The following RUSC2 variants were observed in gnomAD, a reference collection of about 807,000 sequenced individuals.
The protein encoded by RUSC2 is RUN and SH3 domain containing 2, also known as AP-4 complex accessory subunit RUSC2.
RUSC2 carries 34 observed loss-of-function variants against 122.2 expected under a neutral mutation model. That is an observed-to-expected ratio of 0.28 (90% CI 0.21 to 0.37). The LOEUF (loss-of-function observed/expected upper bound fraction) is 0.37. Ranked by LOEUF, RUSC2 falls within the 10% of genes least tolerant of loss-of-function variation. The probability of loss-of-function intolerance (pLI) is 1.00; values close to 1 mark genes in which losing one functional copy is unlikely to be tolerated. For synonymous variants in RUSC2, 784 were observed against 790.0 expected (o/e 0.99, Z 0.13); for missense variants, 1,747 against 1,952.4 (o/e 0.89, Z 1.98).
intron 1 of RUSC2, among the ~76,000 whole-genome samples, chr9:35,493,383 A>G (rs1820606527): frequency 6.6e-6 from 1 of 152,148 alleles, no homozygotes; most frequent in South Asian, 2.1e-4. Context: ...CTGGTCTGTC[A>G]TTGATGGGTA....
At chr9:35,508,565 C>T (rs1004370069) in intron 1 of RUSC2, among the ~76,000 whole-genome samples, 8 of 152,170 alleles carry the variant, frequency 5.3e-5, no homozygotes, top group African/African-American at 1.4e-4. Flanking sequence ...CTGAGATTGT[C>T]GTCATCCATA....
At chr9:35,556,521 C>G (rs1037908889) in intron 5 of RUSC2, 73 bp downstream of exon 5, 162 of 1,557,402 alleles carry the variant, frequency 1.0e-4, no homozygotes, top group Non-Finnish European at 1.3e-4. Context: ...ACTACCTAGC[C>G]AGTCTGAAAC....
At position 35,558,099 on chromosome 9, in the gene RUSC2, G is replaced by C. The variant is rs1014742932; in HGVS notation, c.3061-98G>C. On this transcript the variant is annotated intron_variant, in intron 6 of 11. Coordinates refer to ENST00000361226, the MANE Select transcript of RUSC2 (RefSeq NM_014806.5). This position sits in a 1 kb window ranked among gnomAD's most constrained non-coding sequence, Gnocchi z 4.3. ...TTTAGAGCCCAGGGTTGGGTACTTA[G>C]GAATGGGGACGGCAAGAGGGGAACC... The C allele has an allele frequency of 1.9e-6, 3 of 1,587,186 alleles. No individual in the cohort carries two copies. Among genetic ancestry groups the C allele is most frequent in the African/African-American group, 2.7e-5 (2 of 74,496 alleles).
chr9:35,514,857 A>G (rs181956199), intron 1 of RUSC2, among the ~76,000 whole-genome samples: 38 of 152,270 alleles, frequency 2.5e-4, no homozygotes, highest in African/African-American at 8.9e-4. Context: ...CCTTCCTAGC[A>G]GCAGGATGGA....
At chr9:35,511,499 A>G (rs1357351534) in intron 1 of RUSC2, among the ~76,000 whole-genome samples, 1 of 152,222 alleles carries the variant, frequency 6.6e-6, no homozygotes, top group Non-Finnish European at 1.5e-5. Context: ...TCAGTACCCC[A>G]CATCCCAAAA....
Position 35,561,639 on chromosome 9 carries a change from CAACCCTTCCATGGGTG to C in RUSC2, c.*260_*275del. The C allele has an allele frequency of 1.8e-6, 1 of 561,804 alleles. No homozygotes were observed. Among genetic ancestry groups the C allele is most frequent in the South Asian group, 2.4e-5 (1 of 41,648 alleles). 34.8% of individuals were successfully genotyped at this position (561,804 alleles called of 1,614,324 possible). A position where few individuals can be genotyped will look rare whatever the true frequency, so the allele number is the denominator to read the frequency against. On this transcript the variant is annotated 3_prime_UTR_variant, in exon 12 of 12. Coordinates refer to ENST00000361226, the MANE Select transcript of RUSC2 (RefSeq NM_014806.5). ...CAGGATTCCCCTGGCCCGTCTGGGC[CAACCCTTCCATGGGTG>C]AAGACAAGCAAGTCCCCCTGGAGGC...
At chr9:35,526,729 G>A (rs1311412115) in intron 1 of RUSC2, among the ~76,000 whole-genome samples, 1 of 152,114 alleles carries the variant, frequency 6.6e-6, no homozygotes, top group Non-Finnish European at 1.5e-5. Flanking sequence ...CAGTGAGCTG[G>A]GATGGTGCCA....
intron 1 of RUSC2, among the ~76,000 whole-genome samples, chr9:35,517,765 A>G (rs1234084825): frequency 6.6e-6 from 1 of 152,190 alleles, no homozygotes; most frequent in Non-Finnish European, 1.5e-5. Flanking sequence ...AAGAGGGAGG[A>G]CACAGGAGAA....
rs10511923 is a variant in RUSC2, at chr9:35,539,447, G to C, written c.-92-6983G>C. 6.2e-3 allele frequency among the ~76,000 whole-genome samples: 946 copies of C among 152,184 alleles called. 11 individuals carry two copies. Among genetic ancestry groups the C allele is most frequent in the African/African-American group, 0.021 (875 of 41,500 alleles). ...GGGGGAGTCAGATCTAGAAACAAAG[G>C]CTTAATAGGAGGAGACACCCCTACA... On this transcript the variant is annotated intron_variant, in intron 1 of 11. Coordinates refer to ENST00000361226, the MANE Select transcript of RUSC2 (RefSeq NM_014806.5).
chr9:35,555,803 G>A lies in RUSC2; in HGVS notation c.2656+102G>A. On this transcript the variant is annotated intron_variant, in intron 3 of 11. Coordinates refer to ENST00000361226, the MANE Select transcript of RUSC2 (RefSeq NM_014806.5). The surrounding 1 kb of genome is among the most constrained non-coding windows in gnomAD (Gnocchi z 4.6). ...CTTACACTCTCACCTGGGGCCAGAG[G>A]TTAGGATGTCTGCATCCCTCCCTCA... 1 of 1,478,312 alleles carries A rather than the reference G, an allele frequency of 6.8e-7. No homozygotes were observed. Among genetic ancestry groups the A allele is most frequent in the South Asian group, 1.3e-5 (1 of 77,328 alleles). 91.6% of individuals were successfully genotyped at this position (1,478,312 alleles called of 1,614,324 possible).
chr9:35,496,253 A>T (rs1820711130), intron 1 of RUSC2, among the ~76,000 whole-genome samples: 2 of 152,186 alleles, frequency 1.3e-5, no homozygotes, highest in Admixed American at 6.5e-5. Flanking sequence ...CTCAGAGAGG[A>T]TCACAGAGAA....
chr9:35,548,649 A>G lies in RUSC2; in HGVS notation c.2014+114A>G. On this transcript the variant is annotated intron_variant, in intron 2 of 11. Coordinates refer to ENST00000361226, the MANE Select transcript of RUSC2 (RefSeq NM_014806.5). This position sits in a 1 kb window ranked among gnomAD's most constrained non-coding sequence, Gnocchi z 4.5. ...CCATCCATACCACTAGAGGTTCCAC[A>G]TCCTAGATCTGTTATCCTTCTAGGC... 7.0e-7 allele frequency: 1 copy of G among 1,434,908 alleles called. No individual in the cohort carries two copies. The highest frequency in any genetic ancestry group is 9.1e-7 in the Non-Finnish European group (1 of 1,097,710). The allele number at this position is 1,434,908 out of a possible 1,614,324, so 88.9% of individuals were successfully genotyped here.
At chr9:35,498,073 A>G (rs988990550) in intron 1 of RUSC2, among the ~76,000 whole-genome samples, 3 of 152,114 alleles carry the variant, frequency 2.0e-5, no homozygotes, top group African/African-American at 7.2e-5. Flanking sequence ...ACTAATCATT[A>G]TTAGTTCTAA....
chr9:35,549,038 A>G (rs1488212319), intron 2 of RUSC2: 1 of 981,726 alleles, frequency 1.0e-6, no homozygotes, highest in East Asian at 1.1e-4. Flanking sequence ...GTCTCAAAAA[A>G]AAAAAATAAA....
Position 35,558,695 on chromosome 9 carries a change from C to T in RUSC2, c.3341+128C>T, listed in dbSNP as rs1822078116. 1.5e-5 allele frequency: 11 copies of T among 748,048 alleles called. No homozygotes were observed. Among genetic ancestry groups the T allele is most frequent in the South Asian group, 3.2e-5 (2 of 62,604 alleles). The allele number at this position is 748,048 out of a possible 1,614,324, so 46.3% of individuals were successfully genotyped here. ...GTGGATCTGGAGGGTCCCCTCAGCC[C>T]GCTATGGCCTCTCAGTAGGTCACTG... On this transcript the variant is annotated intron_variant, in intron 8 of 11. Transcript: ENST00000361226. This position sits in a 1 kb window ranked among gnomAD's most constrained non-coding sequence, Gnocchi z 4.3.
Position 35,533,520 on chromosome 9 carries a change from A to G in RUSC2, c.-92-12910A>G, listed in dbSNP as rs1381839427. Among the ~76,000 whole-genome samples, 5 of 152,326 alleles carry G rather than the reference A, an allele frequency of 3.3e-5. No homozygotes were observed. The East Asian group carries it at 5.8e-4, about 18-fold the overall frequency. ...TTTGCCATTTAAAGTATACAATTCA[A>G]TTGTTTTAGTATATTCACAGTTGTG... On this transcript the variant is annotated intron_variant, in intron 1 of 11. Coordinates refer to ENST00000361226, the MANE Select transcript of RUSC2 (RefSeq NM_014806.5).
chr9:35,536,519 G>A (rs140024293), intron 1 of RUSC2, among the ~76,000 whole-genome samples: 61 of 152,210 alleles, frequency 4.0e-4, no homozygotes, highest in Admixed American at 1.8e-3. Flanking sequence ...GTGGAGTAGA[G>A]TAGACAGCCA....
chr9:35,501,937 C>T (rs1393539541), intron 1 of RUSC2, among the ~76,000 whole-genome samples: 1 of 151,998 alleles, frequency 6.6e-6, no homozygotes, highest in East Asian at 1.9e-4. Flanking sequence ...AATATGAAAA[C>T]AATAGTTGTT....
At chr9:35,550,162 A>G (rs1368816840) in intron 2 of RUSC2, among the ~76,000 whole-genome samples, 2 of 151,526 alleles carry the variant, frequency 1.3e-5, no homozygotes, top group African/African-American at 2.4e-5. Context: ...GTGAGCCGAG[A>G]TCACGCCACT....
Sources: gnomAD v4.1 joint callset for allele counts (sites outside exome capture counted in the v4.1 genomes callset) on GRCh38, gnomAD v4.1.1 for gene constraint, Gnocchi (gnomAD v3.1) non-coding constraint, MANE v1.5 for transcripts, NCBI Gene and HGNC (gene_info 2026-07-23, HGNC 2026-07-21) for gene names.